MRTFB: variants seen among roughly 807,000 people sequenced by gnomAD.
MRTFB encodes myocardin-related transcription factor B.
A neutral mutation model predicts 104.2 loss-of-function variants in MRTFB; 29 were observed. The ratio of observed to expected loss-of-function variants is 0.28; its 90% CI spans 0.21 to 0.38. The LOEUF (loss-of-function observed/expected upper bound fraction) is 0.38. Among genes scored for constraint, MRTFB ranks in the 10% least tolerant of loss-of-function variants. The probability of loss-of-function intolerance (pLI) is 1.00; values close to 1 mark genes in which losing one functional copy is unlikely to be tolerated. For synonymous variants in MRTFB, 535 were observed against 519.5 expected (o/e 1.03, Z -0.41); for missense variants, 1,270 against 1,341.6 (o/e 0.95, Z 0.83).
Position 14,074,106 on chromosome 16 carries a change from T to G in MRTFB, c.-129+2741T>G, listed in dbSNP as rs114881581. 4.9e-3 allele frequency among the ~76,000 whole-genome samples: 739 copies of G among 152,152 alleles called. 4 individuals carry two copies. The highest frequency in any genetic ancestry group is 0.017 in the African/African-American group (713 of 41,488). ...AGACGAGTTGCTTCTTGATGTAAGG[T>G]GTTTATTATTAGTTGCGTGTTACGT... On this transcript the variant is annotated intron_variant, in intron 1 of 16. Transcript: ENST00000571589.
At chr16:14,094,635 C>G (rs1357669945) in intron 2 of MRTFB, among the ~76,000 whole-genome samples, 2 of 152,144 alleles carry the variant, frequency 1.3e-5, no homozygotes, top group African/African-American at 4.8e-5. Context: ...CCCTGCATCT[C>G]AAAGTTAGCA....
At chr16:14,182,418 T>C (rs1392917511) in intron 3 of MRTFB, among the ~76,000 whole-genome samples, 2 of 152,174 alleles carry the variant, frequency 1.3e-5, no homozygotes, top group Admixed American at 1.3e-4. Flanking sequence ...AGAGCGAACC[T>C]GTGGCACTGG....
At chr16:14,062,343 C>T in the MRTFB span, among the ~76,000 whole-genome samples, 1 of 152,284 alleles carries the variant, frequency 6.6e-6, no homozygotes, top group South Asian at 2.1e-4. Context: ...CAAGTGATCC[C>T]TGTGCTTTAG....
At chr16:14,066,646 AG>A (rs2033530483), upstream of MRTFB, among the ~76,000 whole-genome samples, 1 of 150,552 alleles carries the variant, frequency 6.6e-6, no homozygotes. Context: ...TTAAACCTTT[AG>A]GGGTGTGCAT....
chr16:14,185,675 T>C (rs1695393328), intron 3 of MRTFB, among the ~76,000 whole-genome samples: 1 of 150,972 alleles, frequency 6.6e-6, no homozygotes, highest in Admixed American at 6.6e-5. Flanking sequence ...GAAGTTATTT[T>C]GAAAAAAAAA....
chr16:14,230,824 A>C (rs559555377), intron 8 of MRTFB, among the ~76,000 whole-genome samples: 1 of 152,060 alleles, frequency 6.6e-6, no homozygotes, highest in Non-Finnish European at 1.5e-5. Context: ...CTATAAAGAC[A>C]CATGCACACG....
rs1265909235 is a variant in MRTFB, at chr16:14,261,499, A to C, written c.*55A>C. On this transcript the variant is annotated 3_prime_UTR_variant, in exon 17 of 17. Transcript: ENST00000571589. ...GAGGTTTAAGAACATGAAGATTCTA[A>C]AAGGTCAGTTTTTAGAGATAGATCT... 6 of 1,497,492 alleles carry C rather than the reference A, an allele frequency of 4.0e-6. No homozygotes were observed. The highest frequency in any genetic ancestry group is 4.6e-5 in the East Asian group (2 of 43,814). The allele number at this position is 1,497,492 out of a possible 1,614,324, so 92.8% of individuals were successfully genotyped here.
intron 13 of MRTFB, among the ~76,000 whole-genome samples, chr16:14,249,484 G>A (rs2043165438): frequency 6.6e-6 from 1 of 152,196 alleles, no homozygotes; most frequent in Admixed American, 6.5e-5. Flanking sequence ...AAATGTTTAT[G>A]CTGAGTAAGA....
chr16:14,081,596 G>A (rs768816878), intron 2 of MRTFB, among the ~76,000 whole-genome samples: 3 of 147,368 alleles, frequency 2.0e-5, no homozygotes, highest in African/African-American at 7.6e-5. Flanking sequence ...CCGGCCATTT[G>A]TATGCTTCTT....
At chr16:14,028,196 A>AAACACAACAC in the MRTFB span, among the ~76,000 whole-genome samples, 1 of 142,948 alleles carries the variant, frequency 7.0e-6, no homozygotes, top group African/African-American at 2.6e-5. Context: ...AAAAACAAAC[A>AAACACAACAC]AACACAACAC....
At chr16:14,223,155 A>C (rs946750178) in intron 8 of MRTFB, among the ~76,000 whole-genome samples, 35 of 152,090 alleles carry the variant, frequency 2.3e-4, no homozygotes, top group African/African-American at 8.0e-4. Context: ...AAAAATACAA[A>C]AAGAAATAGC....
At chr16:14,225,148 T>G (rs1039750232) in intron 8 of MRTFB, among the ~76,000 whole-genome samples, 1 of 152,098 alleles carries the variant, frequency 6.6e-6, no homozygotes, top group Non-Finnish European at 1.5e-5. Context: ...ATCGCGCCAT[T>G]GCACTCCAGC....
At chr16:14,139,224 G>T (rs2142548854) in intron 2 of MRTFB, among the ~76,000 whole-genome samples, 1 of 152,168 alleles carries the variant, frequency 6.6e-6, no homozygotes, top group South Asian at 2.1e-4. Context: ...TCAATAATAA[G>T]AAAATAAACC....
In MRTFB at chr16:14,212,342, C is replaced by T. The variant is rs1169198948; in HGVS notation, c.221-12C>T. The T allele has an allele frequency of 1.2e-6, 2 of 1,613,534 alleles. No homozygotes were observed. Among genetic ancestry groups the T allele is most frequent in the African/African-American group, 1.3e-5 (1 of 74,880 alleles). On this transcript the variant is annotated splice_polypyrimidine_tract_variant and intron_variant, in intron 4 of 16. Coordinates refer to ENST00000571589, the MANE Select transcript of MRTFB (RefSeq NM_001308142.2). ...TCTATTTATACTGTGGAAACCATTT[C>T]TTTTCTCACAGCTTTGAAGAGCCCA...
intron 15 of MRTFB, among the ~76,000 whole-genome samples, chr16:14,257,087 TA>T: frequency 6.6e-6 from 1 of 152,224 alleles, no homozygotes; most frequent in Non-Finnish European, 1.5e-5. Flanking sequence ...AGACTGACCC[TA>T]CAAAGTATTG....
the MRTFB span, among the ~76,000 whole-genome samples, chr16:14,006,052 A>C: frequency 6.6e-6 from 1 of 151,962 alleles, no homozygotes; most frequent in Non-Finnish European, 1.5e-5. Flanking sequence ...TGCTAAAAAT[A>C]CAAAAATTAG....
intron 1 of MRTFB, among the ~76,000 whole-genome samples, chr16:14,076,193 CTTCTT>C (rs892020631): frequency 6.6e-6 from 1 of 151,644 alleles, no homozygotes; most frequent in East Asian, 1.9e-4. Context: ...TTTTTCTACA[CTTCTT>C]TTCTTTTTTT....
At chr16:14,073,055 T>C (rs2141771329) in intron 1 of MRTFB, among the ~76,000 whole-genome samples, 1 of 152,338 alleles carries the variant, frequency 6.6e-6, no homozygotes. Context: ...CGGTGTGTGG[T>C]GTGAGGAAAC....
the MRTFB span, among the ~76,000 whole-genome samples, chr16:14,052,280 A>C: frequency 6.6e-6 from 1 of 152,054 alleles, no homozygotes; most frequent in Non-Finnish European, 1.5e-5. Context: ...TTTAAAAACA[A>C]TTTTTATTGT....
Sources: gnomAD v4.1 joint callset for allele counts (sites outside exome capture counted in the v4.1 genomes callset) on GRCh38, gnomAD v4.1.1 for gene constraint, MANE v1.5 for transcripts, NCBI Gene and HGNC (gene_info 2026-07-23, HGNC 2026-07-21) for gene names.